Variants in ZFAND3 observed in about 807,000 individuals in gnomAD.
ZFAND3 encodes the protein zinc finger AN1-type containing 3.
A neutral mutation model predicts 29.6 loss-of-function variants in ZFAND3; 10 were observed. The ratio of observed to expected loss-of-function variants is 0.34; its 90% confidence interval spans 0.21 to 0.57. The LOEUF (loss-of-function observed/expected upper bound fraction) is 0.57. Among genes scored for constraint, ZFAND3 ranks in the 20% least tolerant of loss-of-function variants. ZFAND3 has a pLI of 0.86. For missense variants in ZFAND3, 230 were observed against 304.5 expected (o/e 0.76, Z 1.82); for synonymous variants, 128 against 112.6 (o/e 1.14, Z -0.87).
intron 1 of ZFAND3, among the ~76,000 whole-genome samples, chr6:37,923,925 A>G (rs1761432433): frequency 6.6e-6 from 1 of 152,224 alleles, no homozygotes; most frequent in African/African-American, 2.4e-5. Flanking sequence ...ATAGATATCT[A>G]TCTAAAAAAG....
intron 4 of ZFAND3, among the ~76,000 whole-genome samples, chr6:38,112,390 TTCC>T (rs1765337492): frequency 6.6e-6 from 1 of 152,190 alleles, no homozygotes; most frequent in African/African-American, 2.4e-5. Flanking sequence ...GGCACGGGAG[TTCC>T]TCCTGCTACT....
chr6:38,088,221 C>T (rs1429705344), intron 4 of ZFAND3: 1 of 152,164 alleles, frequency 6.6e-6, no homozygotes, highest in African/African-American at 2.4e-5. Flanking sequence ...CTTTTTTTAT[C>T]TGTTCCATCA....
chr6:38,127,227 C>T (rs187266362), intron 5 of ZFAND3, among the ~76,000 whole-genome samples: 1 of 152,306 alleles, frequency 6.6e-6, no homozygotes, highest in Non-Finnish European at 1.5e-5. Context: ...TTTTTCATAG[C>T]TGCCCCCCAC....
chr6:38,046,695 A>G (rs981552385), intron 2 of ZFAND3, among the ~76,000 whole-genome samples: 5 of 152,214 alleles, frequency 3.3e-5, no homozygotes, highest in Admixed American at 1.3e-4. Context: ...AGATAAAACC[A>G]ACATGTCGTG....
intron 3 of ZFAND3, among the ~76,000 whole-genome samples, chr6:38,079,637 C>CT (rs1176350229): frequency 6.6e-6 from 1 of 152,084 alleles, no homozygotes; most frequent in Admixed American, 6.5e-5. Context: ...ATTTTATGTG[C>CT]TTTAAAAAAA....
chr6:38,081,202 G>T (rs1764654248), intron 3 of ZFAND3, among the ~76,000 whole-genome samples: 1 of 151,398 alleles, frequency 6.6e-6, no homozygotes, highest in African/African-American at 2.4e-5. Context: ...ATGACTGTGT[G>T]GTGACACATA....
chr6:37,883,510 C>T (rs1339793729), intron 1 of ZFAND3, among the ~76,000 whole-genome samples: 1 of 116,874 alleles, frequency 8.6e-6, no homozygotes, highest in African/African-American at 4.9e-5. Context: ...AAATCTACCC[C>T]ATATTTAAAT....
At chr6:38,146,101 C>T (rs899218060) in intron 5 of ZFAND3, among the ~76,000 whole-genome samples, 11 of 152,300 alleles carry the variant, frequency 7.2e-5, no homozygotes, top group Non-Finnish European at 1.5e-4. Flanking sequence ...TGACAGCCTT[C>T]GGTGGTTCAG....
intron 2 of ZFAND3, among the ~76,000 whole-genome samples, chr6:38,043,651 A>C (rs2645136): frequency 0.95 from 143,552 of 150,624 alleles, 68,711 homozygotes; most frequent in East Asian, 1. Context: ...CTTGCTCTGT[A>C]ACCTAGATGG....
chr6:37,895,789 C>T (rs1442280847), intron 1 of ZFAND3, among the ~76,000 whole-genome samples: 1 of 152,080 alleles, frequency 6.6e-6, no homozygotes, highest in African/African-American at 2.4e-5. Context: ...TTTTGGCATG[C>T]TGTTAAGTTT....
At chr6:37,965,550 C>A (rs1307981370) in intron 2 of ZFAND3, among the ~76,000 whole-genome samples, 1 of 141,756 alleles carries the variant, frequency 7.1e-6, no homozygotes, top group Non-Finnish European at 1.5e-5. Context: ...TCCACTGCTT[C>A]CCAGGTGAGG....
chr6:38,064,324 A>G (rs980761527), intron 3 of ZFAND3, among the ~76,000 whole-genome samples: 9 of 152,252 alleles, frequency 5.9e-5, no homozygotes, highest in Non-Finnish European at 5.9e-5. Context: ...ATGAGACATT[A>G]TTCTACATGC....
At chr6:37,896,657 C>T (rs1451355426) in intron 1 of ZFAND3, among the ~76,000 whole-genome samples, 2 of 140,542 alleles carry the variant, frequency 1.4e-5, no homozygotes, top group Non-Finnish European at 3.2e-5. Flanking sequence ...TGCCTGCCTG[C>T]CTTCTGTTTT....
intron 1 of ZFAND3, among the ~76,000 whole-genome samples, chr6:37,920,140 G>A (rs1226224617): frequency 2.2e-5 from 3 of 133,992 alleles, no homozygotes; most frequent in Admixed American, 1.7e-4. Context: ...TAATTGTAAA[G>A]CAATTCCTTC....
At chr6:37,821,446 C>T (rs1561900259) in intron 1 of ZFAND3, among the ~76,000 whole-genome samples, 1 of 152,176 alleles carries the variant, frequency 6.6e-6, no homozygotes. Context: ...CATGGACTGT[C>T]TAATTCCCAC....
intron 2 of ZFAND3, among the ~76,000 whole-genome samples, chr6:38,012,192 A>G (rs1441743437): frequency 6.6e-6 from 1 of 152,096 alleles, no homozygotes; most frequent in African/African-American, 2.4e-5. Context: ...CGTGTTCTCA[A>G]GAAGCACAGA....
At chr6:37,958,119 T>C (rs1395656495) in intron 2 of ZFAND3, among the ~76,000 whole-genome samples, 1 of 152,184 alleles carries the variant, frequency 6.6e-6, no homozygotes, top group East Asian at 1.9e-4. Flanking sequence ...TGGTGTCCAT[T>C]CAGATCTGTA....
At chr6:38,105,883 G>C (rs1457764109) in intron 4 of ZFAND3, among the ~76,000 whole-genome samples, 1 of 152,122 alleles carries the variant, frequency 6.6e-6, no homozygotes, top group South Asian at 2.1e-4. Context: ...ACCAATATTA[G>C]GTAAATAAGG....
chr6:37,896,542 C>CTT (rs1241502521), intron 1 of ZFAND3, among the ~76,000 whole-genome samples: 83 of 124,294 alleles, frequency 6.7e-4, no homozygotes, highest in Admixed American at 4.4e-3. Flanking sequence ...TTCTTTCTTT[C>CTT]TTTCTTTCTT....
Sources: allele counts gnomAD v4.1 joint callset (sites outside exome capture counted in the v4.1 genomes callset), GRCh38; gene constraint gnomAD v4.1.1; transcripts MANE v1.5; gene names NCBI Gene and HGNC (gene_info 2026-07-23, HGNC 2026-07-21).